FBN1: variants seen among roughly 807,000 people sequenced by gnomAD.
FBN1 encodes the protein fibrillin-1.
In FBN1, 29 loss-of-function variants were observed where a neutral mutation model predicts 365.1. That is an observed-to-expected ratio of 0.08 (90% CI 0.06 to 0.11). FBN1 has a LOEUF of 0.11. Among genes scored for constraint, FBN1 ranks in the 10% least tolerant of loss-of-function variants. The pLI, the probability that FBN1 is intolerant of heterozygous loss-of-function variation, is 1.00. For synonymous variants in FBN1, 1,210 were observed against 1,270.5 expected, an observed-to-expected ratio of 0.95 and a Z score of 1.01; for missense variants, 2,476 against 3,703.2, an observed-to-expected ratio of 0.67 and a Z score of 8.60.
intron 11 of FBN1, among the ~76,000 whole-genome samples, 158 bp downstream of exon 11, chr15:48,516,025 C>A (rs1377093579): frequency 6.6e-6 from 1 of 151,988 alleles, no homozygotes; most frequent in African/African-American, 2.4e-5. Flanking sequence ...AAAATTGAGA[C>A]ATACATATGA....
At chr15:48,468,577 T>G (rs754941461) in intron 36 of FBN1, 43 bp from the exon 37 acceptor site, 9 of 1,612,030 alleles carry the variant, frequency 5.6e-6, no homozygotes, top group Non-Finnish European at 8.5e-7. Context: ...CCTGAGCCAG[T>G]GTAGGCAGAC....
intron 6 of FBN1, among the ~76,000 whole-genome samples, chr15:48,538,886 T>C (rs865988523): frequency 2.0e-5 from 3 of 152,210 alleles, no homozygotes; most frequent in Non-Finnish European, 4.4e-5. Flanking sequence ...CTTTCACCTG[T>C]GAACGCAACA....
intron 16 of FBN1, among the ~76,000 whole-genome samples, chr15:48,504,819 T>C (rs2043694619): frequency 6.6e-6 from 1 of 152,198 alleles, no homozygotes; most frequent in Admixed American, 6.5e-5. Flanking sequence ...AGGTGGGGAT[T>C]CCCTTGCTTT....
chr15:48,514,149 T>A (rs2043783474), intron 12 of FBN1, among the ~76,000 whole-genome samples: 7 of 151,942 alleles, frequency 4.6e-5, no homozygotes, highest in Admixed American at 4.6e-4. Flanking sequence ...CACCACAGAG[T>A]CTCCCCCATC....
At chr15:48,600,303 T>C (rs1217010889) in intron 4 of FBN1, 69 bp from the exon 5 acceptor site, 1 of 1,106,200 alleles carries the variant, frequency 9.0e-7, no homozygotes, top group Admixed American at 1.7e-5. Context: ...TCACAGGAGT[T>C]GATTTGTAGT....
intron 63 of FBN1, among the ~76,000 whole-genome samples, chr15:48,418,559 A>T (rs1366568005): frequency 6.6e-6 from 1 of 152,126 alleles, no homozygotes; most frequent in Non-Finnish European, 1.5e-5. Flanking sequence ...AAACACCACG[A>T]TTTGGTTAAC....
At chr15:48,519,431 A>G (rs998514510) in intron 10 of FBN1, among the ~76,000 whole-genome samples, 1 of 152,236 alleles carries the variant, frequency 6.6e-6, no homozygotes, top group African/African-American at 2.4e-5. Flanking sequence ...TGAGACTACA[A>G]TAATGAATGA....
chr15:48,465,956 C>G, intron 38 of FBN1, 98 bp from the exon 39 acceptor site: 1 of 842,276 alleles, frequency 1.2e-6, no homozygotes, highest in Non-Finnish European at 2.0e-6. Context: ...TGAAAATGTT[C>G]ATTTTCAGGA....
At chr15:48,446,120 C>T (rs1161742872) in intron 47 of FBN1, among the ~76,000 whole-genome samples, 2 of 152,024 alleles carry the variant, frequency 1.3e-5, no homozygotes. Context: ...ATTTAATTTA[C>T]AGCAAAGTAG....
chr15:48,440,086 A>AATTGG (rs1457202989), intron 50 of FBN1, among the ~76,000 whole-genome samples: 8 of 152,110 alleles, frequency 5.3e-5, no homozygotes, highest in Non-Finnish European at 7.4e-5. Flanking sequence ...GATTCTCTAG[A>AATTGG]ATTGGCTTAT....
rs1314841694 is a variant in FBN1 at position 48,466,368 on chromosome 15, G to T, written c.4748-510C>A. On this transcript the variant is annotated intron_variant, in intron 38 of 65. Coordinates refer to ENST00000316623, the MANE Select transcript of FBN1 (RefSeq NM_000138.5). The stretch of plus-strand genomic sequence containing the variant: ...GACTAGAGACATTTCTTGCACCTCT[G>T]TTTCTATGGGTGGCAATATTGATTC... Among the ~76,000 whole-genome samples, 5 of 152,122 alleles carry T rather than the reference G, an allele frequency of 3.3e-5. No individual in the cohort carries two copies. In the South Asian group the frequency reaches 6.2e-4, roughly 19 times the overall value.
chr15:48,564,158 G>A (rs186101625), intron 6 of FBN1, among the ~76,000 whole-genome samples: 6 of 152,244 alleles, frequency 3.9e-5, no homozygotes, highest in South Asian at 4.2e-4. Flanking sequence ...CAAGAGTGAC[G>A]CTGTGGCTGC....
At chr15:48,464,463 C>T (rs946497590) in intron 40 of FBN1, among the ~76,000 whole-genome samples, 4 of 152,108 alleles carry the variant, frequency 2.6e-5, no homozygotes, top group Non-Finnish European at 5.9e-5. Flanking sequence ...TTGCAGTGAG[C>T]CAAGATCATG....
intron 2 of FBN1, among the ~76,000 whole-genome samples, chr15:48,624,845 C>T (rs1889844978): frequency 6.6e-6 from 1 of 152,210 alleles, no homozygotes; most frequent in African/African-American, 2.4e-5. Flanking sequence ...CAGAGAGAGG[C>T]CGGCCAGAGG....
intron 4 of FBN1, among the ~76,000 whole-genome samples, chr15:48,608,944 C>T (rs2140731353): frequency 6.6e-6 from 1 of 152,330 alleles, no homozygotes; most frequent in South Asian, 2.1e-4. Context: ...CAACTTAATA[C>T]CCAGTTTTGC....
intron 2 of FBN1, among the ~76,000 whole-genome samples, chr15:48,638,617 CTTTT>C (rs34665953): frequency 6.5e-5 from 9 of 138,868 alleles, no homozygotes; most frequent in Non-Finnish European, 9.4e-5. Context: ...TACATCAGAG[CTTTT>C]TTTTTTTTTT....
At chr15:48,622,130 G>A (rs775705320) in intron 2 of FBN1, among the ~76,000 whole-genome samples, 52 of 152,224 alleles carry the variant, frequency 3.4e-4, no homozygotes, top group Non-Finnish European at 6.6e-4. Context: ...CTCTAAAACC[G>A]TTCTAAAGTG....
chr15:48,611,697 T>C (rs1009443335), intron 3 of FBN1, among the ~76,000 whole-genome samples: 3 of 152,168 alleles, frequency 2.0e-5, no homozygotes, highest in Non-Finnish European at 2.9e-5. Context: ...AATACTAACA[T>C]TTGCATACCA....
chr15:48,552,635 TAAG>T (rs1283211354), intron 6 of FBN1, among the ~76,000 whole-genome samples: 1 of 152,154 alleles, frequency 6.6e-6, no homozygotes, highest in African/African-American at 2.4e-5. Context: ...ATTCCTGACA[TAAG>T]AAAAATTAAC....
Sources: gnomAD v4.1 joint callset for allele counts (sites outside exome capture counted in the v4.1 genomes callset) on GRCh38, gnomAD v4.1.1 for gene constraint, MANE v1.5 for transcripts, NCBI Gene and HGNC (gene_info 2026-07-23, HGNC 2026-07-21) for gene names.